PRKCH: variants seen among roughly 807,000 people sequenced by gnomAD.
PRKCH encodes the protein protein kinase C eta.
A neutral mutation model predicts 82.5 loss-of-function variants in PRKCH; 28 were observed. The ratio of observed to expected loss-of-function variants is 0.34; its 90% confidence interval spans 0.25 to 0.47. The LOEUF (loss-of-function observed/expected upper bound fraction) is 0.47, where lower values mean the gene tolerates loss of function less well. Ranked by LOEUF, PRKCH falls within the 20% of genes least tolerant of loss-of-function variation. The probability of loss-of-function intolerance (pLI) is 1.00; values close to 1 mark genes in which losing one functional copy is unlikely to be tolerated. For missense variants in PRKCH, 705 were observed against 881.8 expected, an observed-to-expected ratio of 0.80 and a Z score of 2.54; for synonymous variants, 322 against 327.4, an observed-to-expected ratio of 0.98 and a Z score of 0.18.
In PRKCH at chr14:61,502,038, A is replaced by ATCTTT. The variant is rs764639878; in HGVS notation, c.1433+16409_1433+16413dup. Among the ~76,000 whole-genome samples the ATCTTT allele has an allele frequency of 3.4e-3, 451 of 132,724 alleles. 6 individuals are homozygous for ATCTTT. Among genetic ancestry groups the ATCTTT allele is most frequent in the African/African-American group, 0.012 (411 of 34,806 alleles). 87.1% of individuals were successfully genotyped at this position (132,724 alleles called of 152,430 possible). A position where few individuals can be genotyped will look rare whatever the true frequency, so the allele number is the denominator to read the frequency against. On this transcript the variant is annotated intron_variant, in intron 10 of 13. Transcript: ENST00000332981. The stretch of plus-strand genomic sequence containing the variant: ...CTTAAAGAAAGGTAGTAGGTAGGCA[A>ATCTTT]TCTTTTCTTTTCTTTTCTTTTCTTT...
chr14:61,300,120 C>T (rs191693759), intron 1 of PRKCH, among the ~76,000 whole-genome samples: 29 of 152,214 alleles, frequency 1.9e-4, no homozygotes, highest in African/African-American at 6.7e-4. Context: ...GTTTTCCTTT[C>T]TCTTTTCTAT....
chr14:61,517,547 G>A (rs1465440745), intron 10 of PRKCH, among the ~76,000 whole-genome samples: 5 of 152,196 alleles, frequency 3.3e-5, no homozygotes, highest in Middle Eastern at 3.2e-3. Context: ...TCCTGAGGAT[G>A]AGAGCCATAG....
Position 61,280,727 on chromosome 14 carries a change from G to A in PRKCH, c.-19+93059G>A. On this transcript the variant is annotated intron_variant, in intron 1 of 3. Transcript: ENST00000555185. This position sits in a 1 kb window ranked among gnomAD's most constrained non-coding sequence, Gnocchi z 5.0. ...GGGGCGCACTCGTTGACAGGGTGGC[G>A]CAGCGCGCTGGGGAGTCCGCTCAGC... 2.5e-6 allele frequency: 4 copies of A among 1,576,656 alleles called. No individual in the cohort carries two copies. The highest frequency in any genetic ancestry group is 3.4e-6 in the Non-Finnish European group (4 of 1,165,954).
chr14:61,449,963 G>A lies in PRKCH; in HGVS notation c.702+711G>A, dbSNP rs140413134. Among the ~76,000 whole-genome samples, 923 of 150,858 alleles carry A rather than the reference G, an allele frequency of 6.1e-3. 13 individuals carry two copies. Among genetic ancestry groups the A allele is most frequent in the African/African-American group, 0.022 (882 of 40,782 alleles). On this transcript the variant is annotated intron_variant, in intron 5 of 13. Transcript: ENST00000332981. ...CAACATCATTCTTGCCACTCATATT[G>A]CATTCATCTGCAATAGGCATACATT...
intron 2 of PRKCH, among the ~76,000 whole-genome samples, chr14:61,396,822 G>A (rs1207870676): frequency 2.6e-5 from 4 of 152,248 alleles, no homozygotes; most frequent in South Asian, 2.1e-4. Flanking sequence ...CAGAGATTTC[G>A]GAGGGCTTAT....
At chr14:61,470,497 C>T (rs537621068) in intron 9 of PRKCH, among the ~76,000 whole-genome samples, 29 of 152,284 alleles carry the variant, frequency 1.9e-4, no homozygotes, top group African/African-American at 5.3e-4. Context: ...CTTCCTTCCC[C>T]GTAAGCTAAT....
chr14:61,240,953 G>A (rs987741792), intron 1 of PRKCH, among the ~76,000 whole-genome samples: 4 of 5,020 alleles, frequency 8.0e-4, no homozygotes, highest in Non-Finnish European at 2.2e-3. Context: ...CAATTCTACA[G>A]CTCTAATTCA....
chr14:61,496,776 T>A lies in PRKCH; in HGVS notation c.1433+11120T>A, dbSNP rs1167534641. On this transcript the variant is annotated intron_variant, in intron 10 of 13. Transcript: ENST00000332981. ...AAGGCCTCAAATTCTACGCTTTTTT[T>A]ATTTTAAGATGACAGGTCAGGGCTG... Among the ~76,000 whole-genome samples, 10 of 152,210 alleles carry A rather than the reference T, an allele frequency of 6.6e-5. No individual in the cohort carries two copies. In the East Asian group the frequency reaches 1.7e-3, roughly 26 times the overall value.
chr14:61,281,117 G>A, intron 1 of PRKCH: 1 of 1,424,074 alleles, frequency 7.0e-7, no homozygotes, highest in Non-Finnish European at 9.2e-7. Context: ...TCGGGCTGGT[G>A]GGCGCCCCGG....
chr14:61,201,700 C>A (rs2044483385), intron 1 of PRKCH, among the ~76,000 whole-genome samples: 1 of 151,948 alleles, frequency 6.6e-6, no homozygotes, highest in Admixed American at 6.6e-5. Context: ...ATAAACATAG[C>A]CAATAGAACT....
At chr14:61,375,573 A>G (rs1594637021) in intron 1 of PRKCH, among the ~76,000 whole-genome samples, 1 of 151,930 alleles carries the variant, frequency 6.6e-6, no homozygotes, top group African/African-American at 2.4e-5. Context: ...GGTGAGGGGG[A>G]AGCAAGCACG....
intron 1 of PRKCH, among the ~76,000 whole-genome samples, chr14:61,331,586 A>G (rs1454330713): frequency 6.6e-6 from 1 of 152,198 alleles, no homozygotes. Flanking sequence ...ACTCCCAGCA[A>G]TAGGGGAACA....
intron 2 of PRKCH, among the ~76,000 whole-genome samples, chr14:61,429,022 A>G (rs1382695120): frequency 1.3e-5 from 2 of 152,224 alleles, no homozygotes; most frequent in Non-Finnish European, 1.5e-5. Context: ...AGTCAAGGCC[A>G]AAGGTTAAAA....
chr14:61,280,523 G>T lies in PRKCH; in HGVS notation c.-19+92855G>T, dbSNP rs759269123. The T allele has an allele frequency of 2.2e-5, 35 of 1,612,748 alleles. No homozygotes were observed. The highest frequency in any genetic ancestry group is 2.8e-5 in the Non-Finnish European group (33 of 1,179,562). ...GCCAGGCTGCCGTTGACCAGCGGCG[G>T]GTTGCGGAACTTGACGTGGTAGTCG... On this transcript the variant is annotated intron_variant, in intron 1 of 3. Coordinates refer to the PRKCH transcript ENST00000555185. The surrounding 1 kb of genome is among the most constrained non-coding windows in gnomAD (Gnocchi z 5.0).
intron 1 of PRKCH, among the ~76,000 whole-genome samples, chr14:61,239,497 G>A (rs1266422331): frequency 1.1e-4 from 17 of 152,184 alleles, no homozygotes; most frequent in Admixed American, 1.0e-3. Flanking sequence ...TACCCGGATG[G>A]CCTCTCTCTC....
In PRKCH at chr14:61,253,977, TCCTCCCTCCCTCCCTC is replaced by T. The variant is rs547034638; in HGVS notation, c.-19+66329_-19+66344del. Among the ~76,000 whole-genome samples, 901 of 74,140 alleles carry T rather than the reference TCCTCCCTCCCTCCCTC, an allele frequency of 0.012. 20 individuals carry two copies. The East Asian group carries it at 0.13, about 10-fold the overall frequency. 48.6% of individuals were successfully genotyped at this position (74,140 alleles called of 152,430 possible). A position where few individuals can be genotyped will look rare whatever the true frequency, so the allele number is the denominator to read the frequency against. On this transcript the variant is annotated intron_variant, in intron 1 of 3. Coordinates refer to the PRKCH transcript ENST00000555185. Reference sequence around the variant, plus strand: ...TTTCCTTCCTTCTTCCCTCCCTCCCTCCTCCCTCCCTCCCTCCCTCCCTCCCTCCCTCCCTTCCTTC... The same window carrying T: ...TTTCCTTCCTTCTTCCCTCCCTCCCTCCTCCCTCCCTCCCTCCCTTCCTTC...
intron 1 of PRKCH, among the ~76,000 whole-genome samples, chr14:61,294,839 T>C (rs536983565): frequency 6.6e-6 from 1 of 152,154 alleles, no homozygotes; most frequent in South Asian, 2.1e-4. Flanking sequence ...CTACCAGTAA[T>C]TATTTGCTTT....
intron 1 of PRKCH, among the ~76,000 whole-genome samples, chr14:61,214,593 G>A (rs1355801827): frequency 6.6e-6 from 1 of 152,094 alleles, no homozygotes; most frequent in African/African-American, 2.4e-5. Context: ...AGATCTTGGT[G>A]TCAGTATAGT....
chr14:61,454,524 C>T (rs1033704460), intron 7 of PRKCH, among the ~76,000 whole-genome samples: 1 of 152,212 alleles, frequency 6.6e-6, no homozygotes, highest in African/African-American at 2.4e-5. Context: ...TAACTATGGG[C>T]GTCAGCGTCC....
Sources: allele counts gnomAD v4.1 joint callset (sites outside exome capture counted in the v4.1 genomes callset), GRCh38; gene constraint gnomAD v4.1.1; non-coding constraint Gnocchi (gnomAD v3.1); transcripts MANE v1.5; gene names NCBI Gene and HGNC (gene_info 2026-07-23, HGNC 2026-07-21).